The following MBD2 variants were observed in gnomAD, a reference collection of about 807,000 sequenced individuals.
The protein encoded by MBD2 is methyl-CpG binding domain protein 2.
Under a neutral mutation model 39.3 loss-of-function variants are expected in MBD2, and 9 were observed. The observed-to-expected ratio is 0.23, with a 90% CI of 0.14 to 0.40. The LOEUF (loss-of-function observed/expected upper bound fraction) is 0.40, where lower values mean the gene tolerates loss of function less well. MBD2 is among the 10% of genes least tolerant of loss of function. The pLI is 1.00. For missense variants in MBD2, 458 were observed against 532.6 expected (o/e 0.86, Z 1.38); for synonymous variants, 233 against 211.1 (o/e 1.10, Z -0.90).
chr18:54,203,761 T>G (rs1010411450), intron 2 of MBD2, among the ~76,000 whole-genome samples: 1 of 152,112 alleles, frequency 6.6e-6, no homozygotes, highest in Non-Finnish European at 1.5e-5. Flanking sequence ...GTCAGAAAGT[T>G]TCCAATGCAG....
Position 54,153,401 on chromosome 18 carries a change from A to G in MBD2, c.*1923T>C, listed in dbSNP as rs2086033574. The G allele has an allele frequency of 6.6e-6, 1 of 152,176 alleles. No individual in the cohort carries two copies. The highest frequency in any genetic ancestry group is 6.5e-5 in the Admixed American group (1 of 15,280). 9.4% of individuals were successfully genotyped at this position (152,176 alleles called of 1,614,324 possible). A position where few individuals can be genotyped will look rare whatever the true frequency, so the allele number is the denominator to read the frequency against. The stretch of plus-strand genomic sequence containing the variant: ...CCCTGGACTTATGGGATGGTCCCCA[A>G]GGGACACCATATAATGGCTTTCATA... On this transcript the variant is annotated 3_prime_UTR_variant, in exon 7 of 7. Coordinates refer to ENST00000256429, the MANE Select transcript of MBD2 (RefSeq NM_003927.5).
At chr18:54,204,509 C>T (rs2086433890) in intron 2 of MBD2, among the ~76,000 whole-genome samples, 1 of 152,164 alleles carries the variant, frequency 6.6e-6, no homozygotes, top group Non-Finnish European at 1.5e-5. Flanking sequence ...CTCGATAAAA[C>T]TAAGCGCTAA....
intron 1 of MBD2, among the ~76,000 whole-genome samples, chr18:54,209,281 A>T (rs2086479610): frequency 7.3e-6 from 1 of 137,438 alleles, no homozygotes; most frequent in Non-Finnish European, 1.5e-5. Flanking sequence ...TGGGCAACAG[A>T]GTGAGACTCC....
At chr18:54,193,382 G>A (rs1170050860) in intron 2 of MBD2, among the ~76,000 whole-genome samples, 1 of 152,110 alleles carries the variant, frequency 6.6e-6, no homozygotes, top group Non-Finnish European at 1.5e-5. Context: ...TCTAATATCA[G>A]AACTAAGTTT....
chr18:54,161,916 C>T (rs2086101288), intron 5 of MBD2, among the ~76,000 whole-genome samples: 1 of 152,122 alleles, frequency 6.6e-6, no homozygotes, highest in Non-Finnish European at 1.5e-5. Flanking sequence ...TAATAGGACC[C>T]CTTAGTGGAG....
At chr18:54,180,970 C>T (rs2086248247) in intron 3 of MBD2, among the ~76,000 whole-genome samples, 1 of 140,138 alleles carries the variant, frequency 7.1e-6, no homozygotes, top group Non-Finnish European at 1.5e-5. Context: ...GATCTCGGCT[C>T]ACTGCAACCA....
rs921521303 is a variant in MBD2 at position 54,189,074 on chromosome 18, A to T, written c.703-63T>A. ...TATAAACACAATCAGATGACTTCCT[A>T]CTAATTCAATATCTATTACTTTAAA... On this transcript the variant is annotated intron_variant, in intron 2 of 6. Coordinates refer to ENST00000256429, the MANE Select transcript of MBD2 (RefSeq NM_003927.5). The T allele has an allele frequency of 8.1e-6, 9 of 1,107,748 alleles. 1 individual carries two copies. In the African/African-American group the frequency reaches 1.3e-4, roughly 16 times the overall value. The allele number at this position is 1,107,748 out of a possible 1,614,324, so 68.6% of individuals were successfully genotyped here.
At position 54,151,898 on chromosome 18, in the gene MBD2, T is replaced by G. The variant is rs777600162; in HGVS notation, c.*3426A>C. On this transcript the variant is annotated 3_prime_UTR_variant, in exon 7 of 7. Transcript: ENST00000256429. ...TCTTTCCTTTATAATACATACAGCT[T>G]CTAACACTTTTCCAACTGCATGACT... The G allele has an allele frequency of 1.3e-5, 2 of 151,612 alleles. No individual in the cohort carries two copies. The highest frequency in any genetic ancestry group is 2.9e-5 in the Non-Finnish European group (2 of 67,968). 9.4% of individuals were successfully genotyped at this position (151,612 alleles called of 1,614,324 possible).
chr18:54,224,637 G>A lies in MBD2; in HGVS notation c.-78C>T. The A allele has an allele frequency of 9.5e-7, 1 of 1,049,942 alleles. No homozygotes were observed. The highest frequency in any genetic ancestry group is 1.2e-6 in the Non-Finnish European group (1 of 822,664). The allele number at this position is 1,049,942 out of a possible 1,614,324, so 65.0% of individuals were successfully genotyped here. A position where few individuals can be genotyped will look rare whatever the true frequency, so the allele number is the denominator to read the frequency against. On this transcript the variant is annotated 5_prime_UTR_variant, in exon 1 of 7. Coordinates refer to ENST00000256429, the MANE Select transcript of MBD2 (RefSeq NM_003927.5). ...ATCCCGGAGACCCGCCCCGCCCGCA[G>A]CGCGGCGCGCGGGGGACGCGCGCAA...
Position 54,224,425 on chromosome 18 carries a change from C to T in MBD2, c.135G>A (p.Pro45=), listed in dbSNP as rs1216319704. Residue 45 remains proline, a synonymous_variant, in exon 1 of 7, where the codon CCG becomes CCA. Coordinates refer to ENST00000256429, the MANE Select transcript of MBD2 (RefSeq NM_003927.5). The part of the protein sequence containing the change: ...GGQGSALAPS[P]VSGVRREGAR... The stretch of plus-strand genomic sequence containing the variant: ...CGCCTTCCCTGCGCACGCCGCTCAC[C>T]GGGGACGGGGCGAGCGCGCTGCCCT... 2 of 1,241,770 alleles carry T rather than the reference C, an allele frequency of 1.6e-6. No homozygotes were observed. The highest frequency in any genetic ancestry group is 2.0e-6 in the Non-Finnish European group (2 of 995,886). The allele number at this position is 1,241,770 out of a possible 1,614,324, so 76.9% of individuals were successfully genotyped here. A position where few individuals can be genotyped will look rare whatever the true frequency, so the allele number is the denominator to read the frequency against.
intron 1 of MBD2, among the ~76,000 whole-genome samples, chr18:54,221,791 C>T (rs531093113): frequency 1.3e-5 from 2 of 152,242 alleles, no homozygotes; most frequent in South Asian, 4.1e-4. Context: ...ATAAATTTAA[C>T]ATCAGAAAAT....
At chr18:54,157,878 CT>C (rs1406188252) in intron 6 of MBD2, among the ~76,000 whole-genome samples, 3 of 152,012 alleles carry the variant, frequency 2.0e-5, no homozygotes, top group Non-Finnish European at 4.4e-5. Context: ...GTGATTCTTT[CT>C]CCAGCTATAT....
chr18:54,224,184 G>T lies in MBD2; in HGVS notation c.376C>A (p.Pro126Thr). 1 of 1,244,998 alleles carries T rather than the reference G, an allele frequency of 8.0e-7. No homozygotes were observed. The highest frequency in any genetic ancestry group is 3.4e-5 in the South Asian group (1 of 29,330). 77.1% of individuals were successfully genotyped at this position (1,244,998 alleles called of 1,614,324 possible). A position where few individuals can be genotyped will look rare whatever the true frequency, so the allele number is the denominator to read the frequency against. The change falls in exon 1 of 7, where the codon CCG becomes ACG. Residue 126 changes from proline to threonine, a missense_variant. By Grantham distance (38) the Pro-to-Thr change is conservative. Around this residue, in one of 2 missense-constraint regions of MBD2, gnomAD observed 269 missense variants for 236.0 expected, o/e 1.14. Coordinates refer to ENST00000256429, the MANE Select transcript of MBD2 (RefSeq NM_003927.5). Reference protein sequence around the residue: ...SGGGGAPRREPVPFPSGSAGP... With the variant: ...SGGGGAPRRETVPFPSGSAGP... ...GCGCTCCCCGACGGGAAAGGGACCG[G>T]CTCCCGCCGGGGGGCGCCGCCGCCA...
At chr18:54,180,897 C>CTTTTTTTTTTTTTTTTTTTTTT (rs1211071727) in intron 3 of MBD2, among the ~76,000 whole-genome samples, 8 of 105,370 alleles carry the variant, frequency 7.6e-5, no homozygotes, top group African/African-American at 2.3e-4. Flanking sequence ...TTAATTTTTT[C>CTTTTTTTTTTTTTTTTTTTTTT]TTTTTCTTTT....
At chr18:54,218,294 T>C (rs2086578997) in intron 1 of MBD2, among the ~76,000 whole-genome samples, 1 of 152,232 alleles carries the variant, frequency 6.6e-6, no homozygotes, top group South Asian at 2.1e-4. Context: ...ATTACATTTT[T>C]TTCCCCTCCA....
At chr18:54,183,419 A>G (rs1445248475) in intron 3 of MBD2, among the ~76,000 whole-genome samples, 2 of 152,218 alleles carry the variant, frequency 1.3e-5, no homozygotes, top group Non-Finnish European at 2.9e-5. Flanking sequence ...TTTAAAAGAC[A>G]GATAGAGAAA....
intron 3 of MBD2, among the ~76,000 whole-genome samples, chr18:54,175,503 C>A (rs2086205615): frequency 6.6e-6 from 1 of 152,184 alleles, no homozygotes; most frequent in South Asian, 2.1e-4. Flanking sequence ...ATTTGCCCAA[C>A]TTCTCTTCTC....
intron 2 of MBD2, among the ~76,000 whole-genome samples, chr18:54,196,228 TGG>T (rs1259332880): frequency 6.6e-6 from 1 of 152,192 alleles, no homozygotes; most frequent in Non-Finnish European, 1.5e-5. Context: ...ATATTCTATA[TGG>T]GTAACAAGAT....
At chr18:54,156,880 C>G (rs1230984801) in intron 6 of MBD2, among the ~76,000 whole-genome samples, 1 of 151,832 alleles carries the variant, frequency 6.6e-6, no homozygotes, top group African/African-American at 2.4e-5. Context: ...AAAAAGGAAA[C>G]AGAAGTCTAG....
Sources: allele counts gnomAD v4.1 joint callset (sites outside exome capture counted in the v4.1 genomes callset), GRCh38; gene constraint gnomAD v4.1.1; regional missense constraint gnomAD v4.1.1; transcripts MANE v1.5; gene names NCBI Gene and HGNC (gene_info 2026-07-23, HGNC 2026-07-21).